AHCYL2: variants seen among roughly 807,000 people sequenced by gnomAD.
AHCYL2 encodes S-adenosylhomocysteine hydrolase-like protein 2.
AHCYL2 carries 28 observed loss-of-function variants against 81.4 expected under a neutral mutation model. The ratio of observed to expected loss-of-function variants is 0.34; its 90% CI spans 0.25 to 0.47. The LOEUF (loss-of-function observed/expected upper bound fraction) is 0.47, where lower values mean the gene tolerates loss of function less well. Among genes scored for constraint, AHCYL2 ranks in the 20% least tolerant of loss-of-function variants. The pLI is 1.00. For missense variants in AHCYL2, 551 were observed against 785.1 expected (o/e 0.70, Z 3.56); for synonymous variants, 272 against 290.2 (o/e 0.94, Z 0.64).
intron 6 of AHCYL2, 126 bp from the exon 7 acceptor site, chr7:129,403,253 A>G: frequency 1.8e-6 from 1 of 564,568 alleles, no homozygotes; most frequent in Non-Finnish European, 3.1e-6. Context: ...GTTACTTTGC[A>G]TAACCATATG....
At chr7:129,400,515 T>C (rs1795980959) in intron 6 of AHCYL2, 131 bp downstream of exon 6, 1 of 749,318 alleles carries the variant, frequency 1.3e-6, no homozygotes, top group Admixed American at 2.8e-5. Context: ...TATACCTGGG[T>C]TTCCAGCAGA....
At position 129,428,068 on chromosome 7, in the gene AHCYL2, TA is replaced by T. The variant is rs1797433056; in HGVS notation, c.*1024del. Reference sequence around the variant, plus strand: ...AGCTTGATACCCTAACAAAGCAGAGTATATTTATTTGTTTCCCAGGAAGGCC... The same window carrying T: ...AGCTTGATACCCTAACAAAGCAGAGTTATTTATTTGTTTCCCAGGAAGGCC... On this transcript the variant is annotated 3_prime_UTR_variant, in exon 17 of 17. Coordinates refer to ENST00000325006, the MANE Select transcript of AHCYL2 (RefSeq NM_015328.4). The T allele has an allele frequency of 6.6e-6, 1 of 152,082 alleles. No homozygotes were observed. The highest frequency in any genetic ancestry group is 1.5e-5 in the Non-Finnish European group (1 of 68,012). The allele number at this position is 152,082 out of a possible 1,614,324, so 9.4% of individuals were successfully genotyped here.
intron 1 of AHCYL2, among the ~76,000 whole-genome samples, chr7:129,311,938 A>G (rs1224547310): frequency 1.3e-5 from 2 of 152,162 alleles, no homozygotes; most frequent in East Asian, 3.8e-4. Context: ...ATATTAAACT[A>G]TGAACTCTTA....
At chr7:129,236,607 G>T (rs140221597) in intron 1 of AHCYL2, among the ~76,000 whole-genome samples, 93 of 152,204 alleles carry the variant, frequency 6.1e-4, no homozygotes, top group Non-Finnish European at 1.2e-3. Context: ...TCCCAAAGAG[G>T]CATAAAACAC....
At chr7:129,225,494 G>C in intron 1 of AHCYL2, 55 bp downstream of exon 1, 1 of 1,437,666 alleles carries the variant, frequency 7.0e-7, no homozygotes, top group Non-Finnish European at 9.1e-7. Context: ...GGGAACTGCA[G>C]ATCCTCTCGG....
intron 5 of AHCYL2, 138 bp downstream of exon 5, chr7:129,397,462 T>G: frequency 2.1e-6 from 2 of 932,718 alleles, no homozygotes; most frequent in Non-Finnish European, 3.2e-6. Context: ...CTTCATGAAT[T>G]TGCTCTTTTT....
intron 1 of AHCYL2, among the ~76,000 whole-genome samples, chr7:129,292,923 TG>T (rs1168131634): frequency 1.3e-5 from 2 of 152,202 alleles, no homozygotes; most frequent in South Asian, 2.1e-4. Context: ...CATATTGCTT[TG>T]GGAATGATAG....
intron 1 of AHCYL2, among the ~76,000 whole-genome samples, chr7:129,313,708 A>G (rs920421865): frequency 3.3e-5 from 5 of 152,206 alleles, no homozygotes; most frequent in Non-Finnish European, 7.3e-5. Context: ...AAATAGACAC[A>G]ATGAAAAAAA....
intron 1 of AHCYL2, among the ~76,000 whole-genome samples, chr7:129,283,776 C>T (rs1018609916): frequency 9.2e-5 from 14 of 152,160 alleles, no homozygotes; most frequent in Non-Finnish European, 1.3e-4. Context: ...GCATCACTAT[C>T]TTTTTTCATA....
At chr7:129,392,548 C>T (rs1457223650) in intron 4 of AHCYL2, among the ~76,000 whole-genome samples, 1 of 152,186 alleles carries the variant, frequency 6.6e-6, no homozygotes, top group Admixed American at 6.5e-5. Flanking sequence ...ATACCATCGC[C>T]TAGGGGGTTA....
In AHCYL2 at chr7:129,293,793, C is replaced by A. The variant is rs1368071698; in HGVS notation, c.363+68354C>A. The stretch of plus-strand genomic sequence containing the variant: ...TTGTTCAAATATTTATAGCAGTAAT[C>A]TCTTAACTGTCTTTTGGAATATAGT... On this transcript the variant is annotated intron_variant, in intron 1 of 16. Coordinates refer to ENST00000325006, the MANE Select transcript of AHCYL2 (RefSeq NM_015328.4). Among the ~76,000 whole-genome samples, 10 of 152,262 alleles carry A rather than the reference C, an allele frequency of 6.6e-5. No homozygotes were observed. The South Asian group carries it at 1.7e-3, about 25-fold the overall frequency.
At chr7:129,331,832 A>G (rs1259075539) in intron 1 of AHCYL2, among the ~76,000 whole-genome samples, 2 of 151,692 alleles carry the variant, frequency 1.3e-5, no homozygotes, top group East Asian at 3.9e-4. Flanking sequence ...ACAGAGTGAG[A>G]CTCCCTGTCA....
rs144397015 is a variant in AHCYL2, at chr7:129,347,063, A to G, written c.364-32575A>G. Among the ~76,000 whole-genome samples the G allele has an allele frequency of 2.3e-4, 35 of 152,322 alleles. 1 individual carries two copies. The highest frequency in any genetic ancestry group is 7.9e-4 in the African/African-American group (33 of 41,584). ...AAGGCTACATACTGTATGATTCCAA[A>G]TATGTGACCTTCTGGTAGAGGAAAA... On this transcript the variant is annotated intron_variant, in intron 1 of 16. Transcript: ENST00000325006.
rs141596700 is a variant in AHCYL2, at chr7:129,348,336, CTG to C, written c.364-31301_364-31300del. On this transcript the variant is annotated intron_variant, in intron 1 of 16. Transcript: ENST00000325006. Reference sequence around the variant, plus strand: ...TTCAAGATAATGTTGAGGGGGAAAACTGGATGCAGAACTACATGTATGATATG... The same window carrying C: ...TTCAAGATAATGTTGAGGGGGAAAACGATGCAGAACTACATGTATGATATG... Among the ~76,000 whole-genome samples, 1,374 of 152,024 alleles carry C rather than the reference CTG, an allele frequency of 9.0e-3. 11 individuals carry two copies. Among genetic ancestry groups the C allele is most frequent in the Non-Finnish European group, 0.015 (1,040 of 67,958 alleles).
intron 1 of AHCYL2, among the ~76,000 whole-genome samples, chr7:129,366,895 GTTTTATACA>G (rs1794142176): frequency 6.6e-6 from 1 of 152,152 alleles, no homozygotes; most frequent in South Asian, 2.1e-4. Flanking sequence ...ACACAGTTTG[GTTTTATACA>G]TTTTAAGGGG....
At chr7:129,267,689 A>G (rs1474810767) in intron 1 of AHCYL2, among the ~76,000 whole-genome samples, 1 of 152,178 alleles carries the variant, frequency 6.6e-6, no homozygotes, top group Non-Finnish European at 1.5e-5. Flanking sequence ...AGAGAGAATA[A>G]TCAGGCTATT....
At chr7:129,287,260 C>A (rs554323221) in intron 1 of AHCYL2, among the ~76,000 whole-genome samples, 2 of 152,314 alleles carry the variant, frequency 1.3e-5, no homozygotes, top group South Asian at 2.1e-4. Context: ...ACCTCAAGCA[C>A]CCCCTCCAGG....
chr7:129,296,185 T>C (rs1797045790), intron 1 of AHCYL2, among the ~76,000 whole-genome samples: 1 of 152,118 alleles, frequency 6.6e-6, no homozygotes, highest in Non-Finnish European at 1.5e-5. Flanking sequence ...AAAATTCTTA[T>C]CACTATATTT....
chr7:129,397,178 G>A, intron 4 of AHCYL2, 44 bp from the exon 5 acceptor site: 1 of 1,511,020 alleles, frequency 6.6e-7, no homozygotes, highest in South Asian at 1.2e-5. Flanking sequence ...TTGACTAGTT[G>A]TTTGGCCCAG....
Sources: allele counts gnomAD v4.1 joint callset (sites outside exome capture counted in the v4.1 genomes callset), GRCh38; gene constraint gnomAD v4.1.1; transcripts MANE v1.5; gene names NCBI Gene and HGNC (gene_info 2026-07-23, HGNC 2026-07-21).